SLC25A18: variants seen among roughly 807,000 people sequenced by gnomAD.
SLC25A18 encodes the protein solute carrier family 25 member 18.
In SLC25A18, 24 loss-of-function variants were observed where a neutral mutation model predicts 31.1. That is an observed-to-expected ratio of 0.77 (90% confidence interval 0.56 to 1.08). SLC25A18 has a LOEUF of 1.08. Ranked by LOEUF, SLC25A18 falls within the 50% of genes least tolerant of loss-of-function variation. The pLI, the probability that SLC25A18 is intolerant of heterozygous loss-of-function variation, is 0.00. For synonymous variants in SLC25A18, 173 were observed against 161.9 expected, an observed-to-expected ratio of 1.07 and a Z score of -0.52; for missense variants, 371 against 418.5, an observed-to-expected ratio of 0.89 and a Z score of 0.99.
chr22:17,564,108 C>T (rs866783200), intron 1 of SLC25A18, among the ~76,000 whole-genome samples: 57 of 152,120 alleles, frequency 3.7e-4, no homozygotes, highest in African/African-American at 9.9e-4. Context: ...CACTCTAAGA[C>T]GAAGACTGTG....
chr22:17,569,256 C>T (rs971200051), intron 1 of SLC25A18, among the ~76,000 whole-genome samples: 1 of 152,158 alleles, frequency 6.6e-6, no homozygotes, highest in Admixed American at 6.5e-5. Flanking sequence ...GATCCGCCCG[C>T]CTCGGCCTCC....
At chr22:17,568,520 G>A (rs1471872346) in intron 1 of SLC25A18, among the ~76,000 whole-genome samples, 1 of 150,328 alleles carries the variant, frequency 6.7e-6, no homozygotes, top group Non-Finnish European at 1.5e-5. Context: ...CAAATATTGA[G>A]GCTAAACTGT....
chr22:17,581,541 T>A, intron 5 of SLC25A18, 128 bp downstream of exon 5: 1 of 1,032,504 alleles, frequency 9.7e-7, no homozygotes, highest in Non-Finnish European at 1.4e-6. Flanking sequence ...CTGATGAGCC[T>A]CTGTGCTCTT....
At chr22:17,579,647 G>C in intron 2 of SLC25A18, 98 bp from the exon 3 acceptor site, 1 of 1,043,110 alleles carries the variant, frequency 9.6e-7, no homozygotes, top group Non-Finnish European at 1.2e-6. Flanking sequence ...AAAAGGTTTA[G>C]GAAGGGAAAA....
intron 2 of SLC25A18, among the ~76,000 whole-genome samples, chr22:17,570,752 C>T (rs1158375948): frequency 6.6e-6 from 1 of 152,190 alleles, no homozygotes; most frequent in Non-Finnish European, 1.5e-5. Flanking sequence ...TCCCAAAGTG[C>T]TAGGATTACA....
At chr22:17,578,299 G>A (rs941455003) in intron 2 of SLC25A18, among the ~76,000 whole-genome samples, 1 of 152,196 alleles carries the variant, frequency 6.6e-6, no homozygotes, top group Non-Finnish European at 1.5e-5. Flanking sequence ...ACTAGAATGT[G>A]TATTTTGTTC....
Position 17,589,721 on chromosome 22 carries a change from T to A in SLC25A18, c.806+56T>A, listed in dbSNP as rs2146285655. ...TGGGACAGGTTCCTCTGCGTGGGTG[T>A]CTGCCTAGACCAGATTTAGAGACCA... On this transcript the variant is annotated intron_variant, in intron 10 of 10. Transcript: ENST00000327451. 3 of 1,549,008 alleles carry A rather than the reference T, an allele frequency of 1.9e-6. No homozygotes were observed. In the South Asian group the frequency reaches 3.3e-5, roughly 17 times the overall value.
rs781607748 is a variant in SLC25A18 at position 17,588,150 on chromosome 22, G to C, written c.730+71G>C. ...TTTGCACTTATAGATAAAACAGCCT[G>C]ACCCTGGAAGCCATACTGGGTTGCA... On this transcript the variant is annotated intron_variant, in intron 9 of 10. Transcript: ENST00000327451. The C allele has an allele frequency of 3.2e-6, 5 of 1,571,058 alleles. No homozygotes were observed. In the African/African-American group the frequency reaches 5.4e-5, roughly 17 times the overall value.
In SLC25A18 at chr22:17,583,463, G is replaced by C; in HGVS notation, c.338G>C (p.Gly113Ala). 6.2e-7 allele frequency: 1 copy of C among 1,614,092 alleles called. No individual in the cohort carries two copies. The highest frequency in any genetic ancestry group is 8.5e-7 in the Non-Finnish European group (1 of 1,180,022). Residue 113 changes from glycine (G) to alanine (A), a missense_variant, in exon 7 of 11, where the codon GGG becomes GCG. Physicochemically the swap from Gly to Ala is moderately conservative, Grantham distance 60 (BLOSUM62 0). Transcript: ENST00000327451. ...GAGATGCTTGCCGGGTGTGGGGCTG[G>C]GATGTGCCAGGTCGTGGTGACCTGT... is the stretch of plus-strand genomic sequence containing the variant. ...KMEMLAGCGA[G>A]MCQVVVTCPM...
chr22:17,574,479 C>T (rs920319535), intron 2 of SLC25A18, among the ~76,000 whole-genome samples: 4 of 152,042 alleles, frequency 2.6e-5, no homozygotes, highest in Non-Finnish European at 5.9e-5. Flanking sequence ...GTCTGCACGC[C>T]CCACCTTCTG....
At chr22:17,574,653 A>G (rs2057182952) in intron 2 of SLC25A18, among the ~76,000 whole-genome samples, 1 of 149,252 alleles carries the variant, frequency 6.7e-6, no homozygotes, top group South Asian at 2.1e-4. Context: ...AGCAGTTGGG[A>G]TTACAGGCAC....
intron 3 of SLC25A18, chr22:17,580,582 A>G (rs1396958909): frequency 2.2e-5 from 22 of 992,024 alleles, no homozygotes; most frequent in Non-Finnish European, 2.5e-5. Context: ...CATAGTCCTC[A>G]GCAACCCTGG....
In SLC25A18 at chr22:17,587,846, C is replaced by A. The variant is rs76495657; in HGVS notation, c.576-79C>A. 12,636 of 1,585,812 alleles carry A rather than the reference C, an allele frequency of 8.0e-3. 888 individuals are homozygous for A. In the African/African-American group the frequency reaches 0.15, roughly 19 times the overall value. On this transcript the variant is annotated intron_variant, in intron 8 of 10. Transcript: ENST00000327451. Reference sequence around the variant, plus strand: ...CTCTCACTGTAAGCCCCACAGCTCACAGCAAAGCTCATTGTCTCACCTTGG... The same window carrying A: ...CTCTCACTGTAAGCCCCACAGCTCAAAGCAAAGCTCATTGTCTCACCTTGG...
In SLC25A18 at chr22:17,570,971, A is replaced by G. The variant is rs2057072304; in HGVS notation, c.-201+985A>G. Among the ~76,000 whole-genome samples, 4 of 152,208 alleles carry G rather than the reference A, an allele frequency of 2.6e-5. No individual in the cohort carries two copies. In the South Asian group the frequency reaches 8.3e-4, roughly 32 times the overall value. On this transcript the variant is annotated intron_variant, in intron 2 of 10. Coordinates refer to ENST00000327451, the MANE Select transcript of SLC25A18 (RefSeq NM_031481.3). ...TGACGTCTGAGCTGAAGCCCAAAGAACAGTTTGTAAATCACTGGGTTTGGA... is the reference window on the plus strand; with the variant it reads ...TGACGTCTGAGCTGAAGCCCAAAGAGCAGTTTGTAAATCACTGGGTTTGGA...
intron 7 of SLC25A18, among the ~76,000 whole-genome samples, chr22:17,586,774 A>C (rs2057560758): frequency 6.6e-6 from 1 of 152,204 alleles, no homozygotes; most frequent in South Asian, 2.1e-4. Context: ...TAAAAATAAA[A>C]ATGACCTACA....
In SLC25A18 at chr22:17,590,218, C is replaced by T; in HGVS notation, c.930C>T (p.Ile310=). 1 of 1,614,228 alleles carries T rather than the reference C, an allele frequency of 6.2e-7. No individual in the cohort carries two copies. Among genetic ancestry groups the T allele is most frequent in the Non-Finnish European group, 8.5e-7 (1 of 1,180,042 alleles). ...GVYFIGIGER[I]LKCFD Reference sequence around the variant, plus strand: ...ATTTTATTGGGATTGGAGAGCGCATCTTAAAGTGTTTTGACTAGACAGAGC... The same window carrying T: ...ATTTTATTGGGATTGGAGAGCGCATTTTAAAGTGTTTTGACTAGACAGAGC... The change falls in exon 11 of 11, where the codon ATC becomes ATT. Residue 310 remains isoleucine (I), a synonymous_variant. Transcript: ENST00000327451.
In SLC25A18 at chr22:17,590,364, A is replaced by G; in HGVS notation, c.*128A>G. 9.0e-7 allele frequency: 1 copy of G among 1,111,728 alleles called. No homozygotes were observed. Among genetic ancestry groups the G allele is most frequent in the Admixed American group, 2.3e-5 (1 of 43,216 alleles). 68.9% of individuals were successfully genotyped at this position (1,111,728 alleles called of 1,614,324 possible). A position where few individuals can be genotyped will look rare whatever the true frequency, so the allele number is the denominator to read the frequency against. On this transcript the variant is annotated 3_prime_UTR_variant, in exon 11 of 11. Transcript: ENST00000327451. ...TCCTCTGCGTTGTAGTGCTACCTCA[A>G]TCTCGGGAGAAACAGCCCTATATTC...
At position 17,581,370 on chromosome 22, in the gene SLC25A18, G is replaced by C. The variant is rs2057369001; in HGVS notation, c.156G>C (p.Leu52=). 3.1e-6 allele frequency: 5 copies of C among 1,614,134 alleles called. No homozygotes were observed. Among genetic ancestry groups the C allele is most frequent in the Non-Finnish European group, 4.2e-6 (5 of 1,180,016 alleles). ...KAMYKGMIDC[L]MKTARAEGFF... is the part of the protein sequence containing the mutation. ...CCTCTGCTTCCAGGATCGACTGCCT[G>C]ATGAAGACGGCTCGGGCGGAGGGCT... The change falls in exon 5 of 11, where the codon CTG becomes CTC. Residue 52 remains leucine (L), a synonymous_variant. Transcript: ENST00000327451.
Position 17,589,813 on chromosome 22 carries a change from A to T in SLC25A18, c.806+148A>T, listed in dbSNP as rs953829335. On this transcript the variant is annotated intron_variant, in intron 10 of 10. Transcript: ENST00000327451. ...TCCCTCACCTCTCAAAGAAAACAGAATGTACTGGGAGCCTTTTTCTTCTTC... is the reference window on the plus strand; with the variant it reads ...TCCCTCACCTCTCAAAGAAAACAGATTGTACTGGGAGCCTTTTTCTTCTTC... The T allele has an allele frequency of 7.6e-6, 6 of 793,466 alleles. No homozygotes were observed. The Admixed American group carries it at 8.0e-5, about 11-fold the overall frequency. 49.2% of individuals were successfully genotyped at this position (793,466 alleles called of 1,614,324 possible). A position where few individuals can be genotyped will look rare whatever the true frequency, so the allele number is the denominator to read the frequency against.
Sources: gnomAD v4.1 joint callset for allele counts (sites outside exome capture counted in the v4.1 genomes callset) on GRCh38, gnomAD v4.1.1 for gene constraint, MANE v1.5 for transcripts, NCBI Gene and HGNC (gene_info 2026-07-23, HGNC 2026-07-21) for gene names.